GCN1: variants seen among roughly 807,000 people sequenced by gnomAD.
The protein encoded by GCN1 is GCN1 activator of EIF2AK4, also known as stalled ribosome sensor GCN1.
A neutral mutation model predicts 288.4 loss-of-function variants in GCN1; 90 were observed. The observed-to-expected ratio is 0.31, with a 90% CI of 0.26 to 0.37. GCN1 has a LOEUF of 0.37. Ranked by LOEUF, GCN1 falls within the 10% of genes least tolerant of loss-of-function variation. The pLI is 1.00. For missense variants in GCN1, 2,586 were observed against 3,419.9 expected (o/e 0.76, Z 6.08); for synonymous variants, 1,386 against 1,420.2 (o/e 0.98, Z 0.54).
chr12:120,171,491 CAT>C (rs1343858694), intron 14 of GCN1, among the ~76,000 whole-genome samples: 3 of 151,990 alleles, frequency 2.0e-5, no homozygotes, highest in Admixed American at 2.0e-4. Flanking sequence ...AGCTCAAGCA[CAT>C]GTTTTCTTCC....
chr12:120,190,210 G>A (rs1462207116), intron 2 of GCN1, 88 bp downstream of exon 2: 2 of 709,800 alleles, frequency 2.8e-6, no homozygotes, highest in Admixed American at 2.5e-5. Flanking sequence ...GGGCAACAGT[G>A]AGAGACTCTG....
rs1416400320 is a variant in GCN1, at chr12:120,150,000, T to C, written c.4353A>G (p.Lys1451=). 8 of 1,613,634 alleles carry C rather than the reference T, an allele frequency of 5.0e-6. No homozygotes were observed. Among genetic ancestry groups the C allele is most frequent in the East Asian group, 4.5e-5 (2 of 44,888 alleles). Residue 1451 remains lysine, a synonymous_variant, in exon 35 of 58, where the codon AAA becomes AAG. Transcript: ENST00000300648. ...CGTGAACCACATACGGCTCAAAAAG[T>C]TTCCCCAGCATGGTGCAGAGCATCT... ...AFEMLCTMLG[K]LFEPYVVHVL...
At position 120,142,969 on chromosome 12, in the gene GCN1, C is replaced by A. The variant is rs545324189; in HGVS notation, c.5496-28G>T. On this transcript the variant is annotated intron_variant, in intron 42 of 57. Coordinates refer to ENST00000300648, the MANE Select transcript of GCN1 (RefSeq NM_006836.2). The surrounding 1 kb of genome is among the most constrained non-coding windows in gnomAD (Gnocchi z 4.9). ...GAGAAGGAGGCCAACAACACAGTCA[C>A]ACAGCTGCAAGGAGTGGGCTCGGCA... 77 of 1,393,958 alleles carry A rather than the reference C, an allele frequency of 5.5e-5. No individual in the cohort carries two copies. The highest frequency in any genetic ancestry group is 7.8e-5 in the Non-Finnish European group (76 of 979,336). The allele number at this position is 1,393,958 out of a possible 1,614,324, so 86.3% of individuals were successfully genotyped here.
At position 120,129,473 on chromosome 12, in the gene GCN1, C is replaced by T. The variant is rs767845546; in HGVS notation, c.7693G>A (p.Asp2565Asn). ...ATCTTCTCAGCCACCAGCCTGATGTCGCTGGATGGGTTCTGCAGACACTGT... is the reference window on the plus strand; with the variant it reads ...ATCTTCTCAGCCACCAGCCTGATGTTGCTGGATGGGTTCTGCAGACACTGT... ...FVKCLQNPSS[D>N]IRLVAEKMIW... is the part of the protein sequence containing the mutation. Residue 2565 changes from aspartate to asparagine, a missense_variant, in exon 57 of 58, where the codon GAC becomes AAC. Physicochemically the swap from Asp to Asn is conservative, Grantham distance 23. Transcript: ENST00000300648. The T allele has an allele frequency of 8.7e-6, 14 of 1,613,414 alleles. No homozygotes were observed. The highest frequency in any genetic ancestry group is 1.7e-5 in the Admixed American group (1 of 60,008).
chr12:120,181,041 G>A (rs941838174), intron 5 of GCN1, among the ~76,000 whole-genome samples: 7 of 151,942 alleles, frequency 4.6e-5, no homozygotes, highest in Middle Eastern at 3.2e-3. Context: ...TATGCTTGTG[G>A]AAAGCAATGC....
In GCN1 at chr12:120,142,917, C is replaced by T. The variant is rs1462205622; in HGVS notation, c.5520G>A (p.Gly1840=). The change falls in exon 43 of 58, where the codon GGG becomes GGA. Residue 1840 remains glycine, a synonymous_variant. Coordinates refer to ENST00000300648, the MANE Select transcript of GCN1 (RefSeq NM_006836.2). The surrounding 1 kb of genome is among the most constrained non-coding windows in gnomAD (Gnocchi z 4.9). The part of the protein sequence containing the change: ...RIRFSSVQLL[G]DLLFHISGVT... ...CTCCTGAGATGTGAAACAGGAGATC[C>T]CCAAGGAGCTGAACAGAGCTGAACC... is the stretch of plus-strand genomic sequence containing the variant. 6 of 1,612,804 alleles carry T rather than the reference C, an allele frequency of 3.7e-6. No homozygotes were observed. The Admixed American group carries it at 1.0e-4, about 27-fold the overall frequency.
At chr12:120,152,414 A>ATATATATATATAAATATATATATATT (rs1566305192) in intron 33 of GCN1, among the ~76,000 whole-genome samples, 29 of 126,288 alleles carry the variant, frequency 2.3e-4, no homozygotes, top group African/African-American at 5.9e-4. Context: ...CACACACAAA[A>ATATATATATATAAATATATATATATT]TATATATATA....
intron 16 of GCN1, among the ~76,000 whole-genome samples, chr12:120,165,541 C>G (rs1479848389): frequency 1.3e-5 from 2 of 151,190 alleles, no homozygotes; most frequent in African/African-American, 2.4e-5. Flanking sequence ...AGTCTTGGCT[C>G]ACTACACCCT....
Position 120,174,133 on chromosome 12 carries a change from G to A in GCN1, c.1130C>T (p.Pro377Leu). Reference protein sequence around the residue: ...GSVSHHVVSGPSSQVLNGIVA... With the variant: ...GSVSHHVVSGLSSQVLNGIVA... ...GATCCCATTCAGGACCTGACTGGAA[G>A]GTCCAGACACCACGTGATGACTGAC... The change falls in exon 13 of 58, where the codon CCT (proline) becomes CTT (leucine). Residue 377 changes from proline (P) to leucine (L), a missense_variant. Coordinates refer to ENST00000300648, the MANE Select transcript of GCN1 (RefSeq NM_006836.2). The A allele has an allele frequency of 1.2e-6, 2 of 1,607,416 alleles. No homozygotes were observed. Among genetic ancestry groups the A allele is most frequent in the Non-Finnish European group, 1.7e-6 (2 of 1,173,882 alleles).
Position 120,158,138 on chromosome 12 carries a change from C to A in GCN1, c.2906-108G>T. 1.9e-6 allele frequency: 2 copies of A among 1,059,186 alleles called. No individual in the cohort carries two copies. The highest frequency in any genetic ancestry group is 2.5e-5 in the East Asian group (1 of 40,370). 65.6% of individuals were successfully genotyped at this position (1,059,186 alleles called of 1,614,324 possible). Reference sequence around the variant, plus strand: ...GTAGGGAACGGATGGACCAGAGGCCCGTTCTGACACCTGGAAGCACATGGC... The same window carrying A: ...GTAGGGAACGGATGGACCAGAGGCCAGTTCTGACACCTGGAAGCACATGGC... On this transcript the variant is annotated intron_variant, in intron 25 of 57. Coordinates refer to ENST00000300648, the MANE Select transcript of GCN1 (RefSeq NM_006836.2). The surrounding 1 kb of genome is among the most constrained non-coding windows in gnomAD (Gnocchi z 4.3).
chr12:120,150,659 C>T (rs909627542), intron 34 of GCN1, among the ~76,000 whole-genome samples: 3 of 151,764 alleles, frequency 2.0e-5, no homozygotes, highest in Non-Finnish European at 2.9e-5. Context: ...AATTTGTGGC[C>T]GGGCGCGGTG....
At chr12:120,138,899 A>G (rs1434383874) in intron 45 of GCN1, 43 bp from the exon 46 acceptor site, 2 of 1,554,782 alleles carry the variant, frequency 1.3e-6, no homozygotes, top group African/African-American at 1.4e-5. Flanking sequence ...AGGAAAGGCA[A>G]AGAAGGAGCA....
At chr12:120,143,887 A>G (rs1328166020) in intron 42 of GCN1, among the ~76,000 whole-genome samples, 2 of 152,238 alleles carry the variant, frequency 1.3e-5, no homozygotes, top group African/African-American at 2.4e-5. Flanking sequence ...GTTAAAAGCA[A>G]GGGTCTGGAA....
intron 2 of GCN1, among the ~76,000 whole-genome samples, chr12:120,186,061 C>T (rs1231000082): frequency 1.3e-5 from 2 of 151,966 alleles, no homozygotes; most frequent in East Asian, 3.9e-4. Flanking sequence ...TGGCTGGGGG[C>T]AGTGGCTCAC....
chr12:120,161,733 G>T, intron 21 of GCN1, 147 bp downstream of exon 21: 1 of 927,960 alleles, frequency 1.1e-6, no homozygotes. Context: ...CAGGACCTAA[G>T]CACCGTGCCG....
chr12:120,159,749 C>A, intron 24 of GCN1, 76 bp downstream of exon 24: 1 of 1,276,112 alleles, frequency 7.8e-7, no homozygotes, highest in Non-Finnish European at 1.1e-6. Context: ...TCCCCACAAG[C>A]ACTCAGGGGC....
Position 120,144,607 on chromosome 12 carries a change from G to A in GCN1, c.5352+32C>T. On this transcript the variant is annotated intron_variant, in intron 41 of 57. Coordinates refer to ENST00000300648, the MANE Select transcript of GCN1 (RefSeq NM_006836.2). The surrounding 1 kb of genome is among the most constrained non-coding windows in gnomAD (Gnocchi z 4.7). ...GCACTTGCCTCCTGCCCTCCTCAAG[G>A]ACTCTACCCTTGCCAAGGTCATGGT... 1 of 1,593,708 alleles carries A rather than the reference G, an allele frequency of 6.3e-7. No homozygotes were observed. The highest frequency in any genetic ancestry group is 8.6e-7 in the Non-Finnish European group (1 of 1,162,158).
intron 2 of GCN1, 147 bp from the exon 3 acceptor site, chr12:120,185,034 C>CAAAACAGGACTCTAGGAA: frequency 1.6e-6 from 1 of 634,452 alleles, no homozygotes. Flanking sequence ...AAAGCAACAA[C>CAAAACAGGACTCTAGGAA]AAAACAGGAC....
intron 53 of GCN1, among the ~76,000 whole-genome samples, chr12:120,133,446 CT>C (rs951966295): frequency 1.7e-4 from 26 of 152,236 alleles, no homozygotes; most frequent in Admixed American, 1.2e-3. Flanking sequence ...GAGTCCAGGG[CT>C]TCTGGTTTGG....
Sources: allele counts gnomAD v4.1 joint callset (sites outside exome capture counted in the v4.1 genomes callset), GRCh38; gene constraint gnomAD v4.1.1; non-coding constraint Gnocchi (gnomAD v3.1); transcripts MANE v1.5; gene names NCBI Gene and HGNC (gene_info 2026-07-23, HGNC 2026-07-21).